Variants in CTTNBP2 observed in about 807,000 individuals in gnomAD.
CTTNBP2 encodes the protein cortactin-binding protein 2.
Under a neutral mutation model 156.9 loss-of-function variants are expected in CTTNBP2, and 108 were observed. That is an observed-to-expected ratio of 0.69 (90% CI 0.59 to 0.81). The LOEUF (loss-of-function observed/expected upper bound fraction) is 0.81, where lower values mean the gene tolerates loss of function less well. CTTNBP2 is among the 30% of genes least tolerant of loss of function. The probability of loss-of-function intolerance (pLI) is 0.00; values close to 1 mark genes in which losing one functional copy is unlikely to be tolerated. For synonymous variants in CTTNBP2, 767 were observed against 751.8 expected (o/e 1.02, Z -0.33); for missense variants, 1,924 against 2,035.4 (o/e 0.95, Z 1.05).
At chr7:117,806,118 T>A (rs756256288) in intron 3 of CTTNBP2, among the ~76,000 whole-genome samples, 31 of 152,164 alleles carry the variant, frequency 2.0e-4, no homozygotes, top group Non-Finnish European at 4.1e-4. Flanking sequence ...CATGGAGCAG[T>A]AACACCAAAC....
chr7:117,830,928 C>G (rs1801564676), intron 2 of CTTNBP2, among the ~76,000 whole-genome samples: 1 of 151,770 alleles, frequency 6.6e-6, no homozygotes, highest in African/African-American at 2.4e-5. Context: ...AAAGAATCCT[C>G]TTGGCTAGAA....
At chr7:117,731,034 AT>A (rs1477232814) in intron 16 of CTTNBP2, among the ~76,000 whole-genome samples, 1 of 152,168 alleles carries the variant, frequency 6.6e-6, no homozygotes, top group Non-Finnish European at 1.5e-5. Flanking sequence ...GGGTAAGAGA[AT>A]TTTATTAAGT....
intron 2 of CTTNBP2, among the ~76,000 whole-genome samples, chr7:117,816,865 G>A (rs756121490): frequency 6.6e-5 from 10 of 152,052 alleles, no homozygotes; most frequent in Non-Finnish European, 1.2e-4. Flanking sequence ...GGTTTGAGGA[G>A]GCCTGACCCT....
rs1013791598 is a variant in CTTNBP2 at position 117,729,480 on chromosome 7, G to A, written c.3877-1213C>T. Among the ~76,000 whole-genome samples the A allele has an allele frequency of 5.3e-5, 8 of 152,148 alleles. 1 individual carries two copies. The highest frequency in any genetic ancestry group is 2.4e-5 in the African/African-American group (1 of 41,422). ...GATAATTTTGCATAGAGGTGTGTAT[G>A]CCTACTATGTATTCTATGCCTATTT... On this transcript the variant is annotated intron_variant, in intron 16 of 22. Coordinates refer to ENST00000160373, the MANE Select transcript of CTTNBP2 (RefSeq NM_033427.3).
chr7:117,719,449 A>C, intron 21 of CTTNBP2, 55 bp downstream of exon 21: 1 of 1,517,716 alleles, frequency 6.6e-7, no homozygotes, highest in Non-Finnish European at 8.9e-7. Flanking sequence ...GGTCCCCCAA[A>C]AGTCTCCCAG....
chr7:117,772,789 C>T (rs1027669653), intron 8 of CTTNBP2, among the ~76,000 whole-genome samples: 4 of 151,980 alleles, frequency 2.6e-5, no homozygotes, highest in Non-Finnish European at 4.4e-5. Context: ...TTCAGAGTGA[C>T]GAGAAAAAGG....
At chr7:117,843,368 A>G (rs1802387956) in intron 2 of CTTNBP2, among the ~76,000 whole-genome samples, 2 of 152,200 alleles carry the variant, frequency 1.3e-5, no homozygotes, top group South Asian at 4.1e-4. Flanking sequence ...TGGAGATTGC[A>G]TGTAGTGTAG....
intron 2 of CTTNBP2, among the ~76,000 whole-genome samples, chr7:117,841,518 T>C (rs193172883): frequency 1.3e-5 from 2 of 152,232 alleles, no homozygotes; most frequent in African/African-American, 4.8e-5. Context: ...TCTCTCTATA[T>C]ATACATGTGC....
chr7:117,760,311 C>T (rs996778343), intron 10 of CTTNBP2, 124 bp downstream of exon 10: 47 of 914,708 alleles, frequency 5.1e-5, no homozygotes, highest in Non-Finnish European at 6.9e-5. Context: ...TTTTCAGCAC[C>T]GGCAGCTGCC....
In CTTNBP2 at chr7:117,728,216, A is replaced by T; in HGVS notation, c.3928T>A (p.Trp1310Arg). 6.2e-7 allele frequency: 1 copy of T among 1,614,174 alleles called. No homozygotes were observed. The highest frequency in any genetic ancestry group is 1.1e-5 in the South Asian group (1 of 91,084). Residue 1310 changes from tryptophan to arginine, a missense_variant, in exon 17 of 23, where the codon TGG (tryptophan) becomes AGG (arginine). Trp to Arg is a moderately radical substitution (Grantham distance 101). Transcript: ENST00000160373. ...PCDPVCKIVD[W>R]ALSVWRQLNS... ...AGCTGACGCCAGACGGACAGAGCCC[A>T]GTCGACAATCTTGCACACAGGATCG...
rs975568425 is a variant in CTTNBP2 at position 117,710,944 on chromosome 7, T to G, written c.*593A>C. 6.6e-6 allele frequency: 1 copy of G among 152,638 alleles called. No homozygotes were observed. The highest frequency in any genetic ancestry group is 1.5e-5 in the Non-Finnish European group (1 of 68,026). 9.5% of individuals were successfully genotyped at this position (152,638 alleles called of 1,614,324 possible). ...TAAATATATACATGATGCTACCAAATGGCAATGTAACCACTAAGAGATTTA... is the reference window on the plus strand; with the variant it reads ...TAAATATATACATGATGCTACCAAAGGGCAATGTAACCACTAAGAGATTTA... On this transcript the variant is annotated 3_prime_UTR_variant, in exon 23 of 23. Transcript: ENST00000160373.
chr7:117,811,065 G>T, intron 2 of CTTNBP2, 76 bp from the exon 3 acceptor site: 1 of 1,152,070 alleles, frequency 8.7e-7, no homozygotes, highest in Non-Finnish European at 1.2e-6. Context: ...AAGGTTTTGT[G>T]ATTATACTTC....
At chr7:117,802,447 AAAAAAAAAAAC>A (rs1490065147) in intron 3 of CTTNBP2, among the ~76,000 whole-genome samples, 2 of 142,780 alleles carry the variant, frequency 1.4e-5, no homozygotes, top group African/African-American at 5.3e-5. Context: ...CAAAAAAAAA[AAAAAAAAAAAC>A]AAAAACAAAC....
At chr7:117,714,811 C>T (rs1029241979) in intron 22 of CTTNBP2, among the ~76,000 whole-genome samples, 12 of 152,192 alleles carry the variant, frequency 7.9e-5, no homozygotes, top group East Asian at 3.9e-4. Context: ...AGCAGGTGAC[C>T]AATGCACAGC....
chr7:117,847,939 C>A (rs949054800), intron 2 of CTTNBP2, among the ~76,000 whole-genome samples: 2 of 150,876 alleles, frequency 1.3e-5, no homozygotes, highest in African/African-American at 4.9e-5. Flanking sequence ...CTGCCTCAGC[C>A]TCCCGACTAG....
intron 8 of CTTNBP2, among the ~76,000 whole-genome samples, chr7:117,773,668 CA>C (rs2116738182): frequency 6.9e-6 from 1 of 145,470 alleles, no homozygotes; most frequent in African/African-American, 2.7e-5. Context: ...CACACACACA[CA>C]CACACACACA....
Position 117,867,264 on chromosome 7 carries a change from C to T in CTTNBP2, c.82-5948G>A, listed in dbSNP as rs34329088. 6.7e-3 allele frequency among the ~76,000 whole-genome samples: 1,021 copies of T among 152,192 alleles called. 11 individuals carry two copies. Among genetic ancestry groups the T allele is most frequent in the African/African-American group, 0.023 (965 of 41,532 alleles). On this transcript the variant is annotated intron_variant, in intron 1 of 22. Transcript: ENST00000160373. ...TCTGATGCTGCTCTTCCTAATCCTC[C>T]ATTCTCCTCTGATTCATCTGGGTAC... is the stretch of plus-strand genomic sequence containing the variant.
At chr7:117,836,251 C>A (rs1008217233) in intron 2 of CTTNBP2, among the ~76,000 whole-genome samples, 7 of 152,140 alleles carry the variant, frequency 4.6e-5, no homozygotes, top group African/African-American at 1.7e-4. Flanking sequence ...CCCCTTCCAC[C>A]CCACTTTTCT....
intron 19 of CTTNBP2, among the ~76,000 whole-genome samples, chr7:117,723,281 T>C (rs1204315563): frequency 6.6e-6 from 1 of 152,170 alleles, no homozygotes; most frequent in African/African-American, 2.4e-5. Flanking sequence ...AACCCTAGCA[T>C]ATATTGATAG....
Sources: gnomAD v4.1 joint callset for allele counts (sites outside exome capture counted in the v4.1 genomes callset) on GRCh38, gnomAD v4.1.1 for gene constraint, MANE v1.5 for transcripts, NCBI Gene and HGNC (gene_info 2026-07-23, HGNC 2026-07-21) for gene names.